CRACD: variants seen among roughly 807,000 people sequenced by gnomAD.
The protein encoded by CRACD is capping protein inhibiting regulator of actin dynamics.
CRACD carries 56 observed loss-of-function variants against 106.8 expected under a neutral mutation model. That is an observed-to-expected ratio of 0.52 (90% CI 0.42 to 0.66). The LOEUF is 0.66. Ranked by LOEUF, CRACD falls within the 30% of genes least tolerant of loss-of-function variation. The pLI, the probability that CRACD is intolerant of heterozygous loss-of-function variation, is 0.00. For synonymous variants in CRACD, 754 were observed against 670.8 expected (o/e 1.12, Z -1.92); for missense variants, 1,730 against 1,623.2 (o/e 1.07, Z -1.13).
chr4:56,316,791 A>G, intron 8 of CRACD, 102 bp downstream of exon 8: 1 of 1,366,772 alleles, frequency 7.3e-7, no homozygotes. Flanking sequence ...TTTACCAACA[A>G]TACAGATTTG....
chr4:56,323,457 A>G lies in CRACD; in HGVS notation c.3268A>G (p.Ile1090Val), dbSNP rs79131941. 402 of 1,612,188 alleles carry G rather than the reference A, an allele frequency of 2.5e-4. 1 individual carries two copies. In the African/African-American group the frequency reaches 3.9e-3, roughly 16 times the overall value. ...AGTGGAAACTGCTCAGCCGCTGTGG[A>G]TAACGTTAGCACTGCAAAAGCAAAA... is the stretch of plus-strand genomic sequence containing the variant. ...EKVETAQPLW[I>V]TLALQKQKGF... Residue 1090 changes from isoleucine (I) to valine (V), a missense_variant, in exon 9 of 11, where the codon ATA becomes GTA. Physicochemically the swap from Ile to Val is conservative, Grantham distance 29. Around this residue, in one of 5 missense-constraint regions of CRACD, gnomAD observed 1,620 missense variants for 1,481.6 expected, o/e 1.09. Coordinates refer to ENST00000682029, the MANE Select transcript of CRACD (RefSeq NM_001393381.1).
At chr4:56,196,983 T>C (rs1456891618) in intron 2 of CRACD, among the ~76,000 whole-genome samples, 1 of 152,146 alleles carries the variant, frequency 6.6e-6, no homozygotes, top group African/African-American at 2.4e-5. Flanking sequence ...CAGTATATCA[T>C]CTATTATAGA....
intron 3 of CRACD, among the ~76,000 whole-genome samples, chr4:56,279,476 G>A (rs1250815049): frequency 6.6e-6 from 1 of 152,108 alleles, no homozygotes; most frequent in Non-Finnish European, 1.5e-5. Context: ...ATCAACAAGT[G>A]GGCGAAGGAT....
intron 1 of CRACD, among the ~76,000 whole-genome samples, chr4:56,118,217 G>C (rs1734360594): frequency 6.6e-6 from 1 of 151,404 alleles, no homozygotes; most frequent in African/African-American, 2.4e-5. Flanking sequence ...AACCAGAAGG[G>C]ACCTCAGAGA....
In CRACD at chr4:56,329,893, A is replaced by AT. The variant is rs1746696584; in HGVS notation, c.*2090dup. Reference sequence around the variant, plus strand: ...ATGTGTCAACTTTGTATTGGCTGGGATATCACTGTGCCCAAACAAAACAGG... The same window carrying AT: ...ATGTGTCAACTTTGTATTGGCTGGGATTATCACTGTGCCCAAACAAAACAGG... On this transcript the variant is annotated 3_prime_UTR_variant, in exon 11 of 11. Transcript: ENST00000682029. Among the ~76,000 whole-genome samples, 1 of 152,184 alleles carries AT rather than the reference A, an allele frequency of 6.6e-6. No individual in the cohort carries two copies. The highest frequency in any genetic ancestry group is 6.5e-5 in the Admixed American group (1 of 15,274).
chr4:56,103,414 A>T (rs1020985), intron 1 of CRACD, among the ~76,000 whole-genome samples: 4 of 152,046 alleles, frequency 2.6e-5, no homozygotes, highest in African/African-American at 9.7e-5. Context: ...CCAGCCTGAG[A>T]AACATAGGTT....
intron 1 of CRACD, among the ~76,000 whole-genome samples, chr4:56,103,392 AGTG>A (rs1427896647): frequency 2.0e-5 from 3 of 152,222 alleles, no homozygotes; most frequent in Non-Finnish European, 4.4e-5. Flanking sequence ...ACTTGAACCC[AGTG>A]GTTTGACACC....
At chr4:56,112,910 A>G (rs948996687) in intron 1 of CRACD, among the ~76,000 whole-genome samples, 13 of 152,262 alleles carry the variant, frequency 8.5e-5, no homozygotes, top group African/African-American at 2.9e-4. Flanking sequence ...GTTAGTTTCA[A>G]TTTCAACAAT....
chr4:56,148,688 T>C (rs1735479354), intron 1 of CRACD, among the ~76,000 whole-genome samples: 1 of 152,238 alleles, frequency 6.6e-6, no homozygotes, highest in African/African-American at 2.4e-5. Flanking sequence ...ATGTTTTTCA[T>C]TTATAAGGAT....
At chr4:56,247,166 A>T (rs1740729908) in intron 2 of CRACD, among the ~76,000 whole-genome samples, 1 of 152,156 alleles carries the variant, frequency 6.6e-6, no homozygotes, top group Admixed American at 6.5e-5. Context: ...GCTAAAACCC[A>T]CTGTGGCATG....
intron 2 of CRACD, among the ~76,000 whole-genome samples, chr4:56,240,923 C>A (rs1400716301): frequency 1.3e-5 from 2 of 152,176 alleles, no homozygotes; most frequent in Non-Finnish European, 2.9e-5. Flanking sequence ...ATGATTAAGT[C>A]CATCCGCACA....
chr4:56,136,337 ACTGTTTTC>A (rs1734999056), intron 1 of CRACD, among the ~76,000 whole-genome samples: 2 of 152,096 alleles, frequency 1.3e-5, no homozygotes, highest in South Asian at 4.1e-4. Context: ...AAACTGATAA[ACTGTTTTC>A]CATAGTGTCT....
chr4:56,307,776 T>C, intron 5 of CRACD, 77 bp downstream of exon 5: 1 of 1,449,722 alleles, frequency 6.9e-7, no homozygotes, highest in Admixed American at 1.8e-5. Flanking sequence ...CCCTGGGGTC[T>C]GCAGCAGGGG....
At chr4:56,302,764 A>G (rs1721183957) in intron 4 of CRACD, among the ~76,000 whole-genome samples, 1 of 152,172 alleles carries the variant, frequency 6.6e-6, no homozygotes, top group Admixed American at 6.5e-5. Context: ...AGTCTGAAGG[A>G]TAGGAAAATC....
At position 56,314,922 on chromosome 4, in the gene CRACD, G is replaced by T. The variant is rs773571891; in HGVS notation, c.1420G>T (p.Ala474Ser). 10 of 1,603,454 alleles carry T rather than the reference G, an allele frequency of 6.2e-6. 1 individual carries two copies. In the Admixed American group the frequency reaches 1.2e-4, roughly 19 times the overall value. Residue 474 changes from alanine to serine, a missense_variant, in exon 8 of 11, where the codon GCC becomes TCC. By Grantham distance (99) the Ala-to-Ser change is moderately conservative. Transcript: ENST00000682029. The surrounding 1 kb of genome is among the most constrained non-coding windows in gnomAD (Gnocchi z 4.4). ...GGGAAGGAGCGGGGATTTCCAGGGG[G>T]CCGATCGTCCTGGGCCCGAGGAAAA... is the stretch of plus-strand genomic sequence containing the variant. ...QQGRSGDFQG[A>S]DRPGPEEKRE...
chr4:56,075,474 T>G (rs1337176933), intron 1 of CRACD, among the ~76,000 whole-genome samples: 1 of 152,234 alleles, frequency 6.6e-6, no homozygotes, highest in Non-Finnish European at 1.5e-5. Flanking sequence ...TTTATTTGCA[T>G]AGAGGTGTTT....
intron 3 of CRACD, among the ~76,000 whole-genome samples, chr4:56,287,229 A>T (rs1743421385): frequency 6.6e-6 from 1 of 152,068 alleles, no homozygotes; most frequent in Non-Finnish European, 1.5e-5. Flanking sequence ...AGCTCAAGCA[A>T]TCTGCCCGCT....
chr4:56,171,092 A>G (rs1474622389), intron 1 of CRACD, among the ~76,000 whole-genome samples: 1 of 152,208 alleles, frequency 6.6e-6, no homozygotes, highest in African/African-American at 2.4e-5. Flanking sequence ...AAAAAAACTA[A>G]TCGGGCATGG....
At chr4:56,293,695 A>G (rs1743826767) in intron 3 of CRACD, among the ~76,000 whole-genome samples, 1 of 152,166 alleles carries the variant, frequency 6.6e-6, no homozygotes, top group Non-Finnish European at 1.5e-5. Flanking sequence ...GAGGTGCTGC[A>G]TGCTTTTAAA....
Sources: gnomAD v4.1 joint callset for allele counts (sites outside exome capture counted in the v4.1 genomes callset) on GRCh38, gnomAD v4.1.1 for gene constraint, gnomAD v4.1.1 regional missense constraint, Gnocchi (gnomAD v3.1) non-coding constraint, MANE v1.5 for transcripts, NCBI Gene and HGNC (gene_info 2026-07-23, HGNC 2026-07-21) for gene names.